Variants in ANO3 observed in about 807,000 individuals in gnomAD.
ANO3 encodes the protein anoctamin 3.
In ANO3, 99 loss-of-function variants were observed where a neutral mutation model predicts 144.8. That is an observed-to-expected ratio of 0.68 (90% CI 0.58 to 0.81). The LOEUF is 0.81. Ranked by LOEUF, ANO3 falls within the 30% of genes least tolerant of loss-of-function variation. The pLI is 0.00. For missense variants in ANO3, 905 were observed against 1,202.2 expected (o/e 0.75, Z 3.66); for synonymous variants, 414 against 392.6 (o/e 1.05, Z -0.64).
chr11:26,417,865 G>A (rs1857637035), intron 1 of ANO3, among the ~76,000 whole-genome samples: 1 of 151,906 alleles, frequency 6.6e-6, no homozygotes, highest in Non-Finnish European at 1.5e-5. Flanking sequence ...AAAGTTAATA[G>A]GGACAACATT....
chr11:26,614,615 C>T (rs910715200), intron 17 of ANO3, among the ~76,000 whole-genome samples: 2 of 152,250 alleles, frequency 1.3e-5, no homozygotes, highest in Admixed American at 1.3e-4. Flanking sequence ...CAGCTACTCT[C>T]CAGACTGGAT....
At chr11:26,204,068 G>A (rs541577928) in intron 1 of ANO3, among the ~76,000 whole-genome samples, 1 of 152,188 alleles carries the variant, frequency 6.6e-6, no homozygotes, top group South Asian at 2.1e-4. Context: ...GTGCCCAAAT[G>A]CCATCTTTTT....
At chr11:26,288,041 A>G (rs1457995627) in intron 1 of ANO3, 1 of 152,360 alleles carries the variant, frequency 6.6e-6, no homozygotes, top group Non-Finnish European at 1.5e-5. Context: ...CGTTGTTCAC[A>G]CTGTAGAGGG....
chr11:26,329,867 C>T (rs1022782636), upstream of ANO3, among the ~76,000 whole-genome samples: 3 of 147,318 alleles, frequency 2.0e-5, no homozygotes, highest in African/African-American at 7.6e-5. Flanking sequence ...GGCTGGAGTG[C>T]GGTGGTGCGA....
chr11:26,337,128 C>T (rs186693177), intron 1 of ANO3, among the ~76,000 whole-genome samples: 1 of 152,066 alleles, frequency 6.6e-6, no homozygotes, highest in Admixed American at 6.5e-5. Flanking sequence ...GTGAGCCAAA[C>T]TATAAAAAGA....
At position 26,346,258 on chromosome 11, in the gene ANO3, C is replaced by A. The variant is rs1402239647; in HGVS notation, c.46+13937C>A. On this transcript the variant is annotated intron_variant, in intron 1 of 26. Transcript: ENST00000256737. Reference sequence around the variant, plus strand: ...TTAAGCTTGTTTCTGCCTTAAGTCACCCTGAAAAAAAGTGGTTTAAGAAAA... The same window carrying A: ...TTAAGCTTGTTTCTGCCTTAAGTCAACCTGAAAAAAAGTGGTTTAAGAAAA... Among the ~76,000 whole-genome samples the A allele has an allele frequency of 3.3e-5, 5 of 151,944 alleles. No homozygotes were observed. The East Asian group carries it at 9.6e-4, about 29-fold the overall frequency.
chr11:26,344,762 A>C (rs994999617), intron 1 of ANO3, among the ~76,000 whole-genome samples: 1 of 152,162 alleles, frequency 6.6e-6, no homozygotes, highest in African/African-American at 2.4e-5. Context: ...CAGTACTCCA[A>C]GATAACTGAG....
chr11:26,434,620 G>A (rs1466869883), intron 1 of ANO3, among the ~76,000 whole-genome samples: 1 of 152,148 alleles, frequency 6.6e-6, no homozygotes, highest in Admixed American at 6.6e-5. Context: ...ATTCTGACAT[G>A]TTGTATCTTT....
At chr11:26,441,671 G>A (rs1858526799) in intron 1 of ANO3, among the ~76,000 whole-genome samples, 1 of 152,000 alleles carries the variant, frequency 6.6e-6, no homozygotes. Context: ...TTTTTTCACA[G>A]AACTTTTAAA....
chr11:26,637,919 C>T (rs1853015544), intron 20 of ANO3, among the ~76,000 whole-genome samples: 1 of 152,182 alleles, frequency 6.6e-6, no homozygotes, highest in African/African-American at 2.4e-5. Flanking sequence ...CCTTCCCACC[C>T]AAATATCTTG....
chr11:26,436,888 G>A (rs1858315953), intron 1 of ANO3, among the ~76,000 whole-genome samples: 2 of 152,102 alleles, frequency 1.3e-5, no homozygotes. Flanking sequence ...TTCGTCCGGT[G>A]GTGGAAAAAG....
intron 1 of ANO3, among the ~76,000 whole-genome samples, chr11:26,263,467 G>T (rs893913631): frequency 2.6e-5 from 4 of 152,112 alleles, no homozygotes; most frequent in Non-Finnish European, 4.4e-5. Context: ...TCTTCCTGTT[G>T]TCACTCCATT....
At chr11:26,596,942 C>T (rs1851647668) in intron 14 of ANO3, among the ~76,000 whole-genome samples, 2 of 152,206 alleles carry the variant, frequency 1.3e-5, no homozygotes, top group Admixed American at 6.5e-5. Context: ...CAGAACAAAG[C>T]TCCCAACACA....
rs537160969 is a variant in ANO3 at position 26,441,879 on chromosome 11, G to T, written c.47-39G>T. The T allele has an allele frequency of 1.7e-5, 26 of 1,526,736 alleles. No individual in the cohort carries two copies. The South Asian group carries it at 2.7e-4, about 16-fold the overall frequency. 94.6% of individuals were successfully genotyped at this position (1,526,736 alleles called of 1,614,324 possible). A position where few individuals can be genotyped will look rare whatever the true frequency, so the allele number is the denominator to read the frequency against. ...AACTTTTTATTGACCTCTACTGATT[G>T]ATTTTTTATTGCTAAAACTCAACAT... On this transcript the variant is annotated intron_variant, in intron 1 of 26. Coordinates refer to ENST00000256737, the MANE Select transcript of ANO3 (RefSeq NM_031418.4).
chr11:26,465,560 A>T (rs73445801), intron 4 of ANO3, among the ~76,000 whole-genome samples: 4 of 151,790 alleles, frequency 2.6e-5, no homozygotes, highest in African/African-American at 9.7e-5. Flanking sequence ...AGTGAGTAAT[A>T]ACAAGTATTA....
intron 1 of ANO3, among the ~76,000 whole-genome samples, chr11:26,311,227 C>G (rs541971203): frequency 6.6e-6 from 1 of 152,244 alleles, no homozygotes; most frequent in South Asian, 2.1e-4. Context: ...TTGACTAAGT[C>G]TATTGTGTGG....
rs144906007 is a variant in ANO3, at chr11:26,634,286, C to A, written c.1956C>A (p.Ser652=). The change falls in exon 19 of 27, where the codon TCC becomes TCA. Residue 652 remains serine (S), a synonymous_variant. Coordinates refer to ENST00000256737, the MANE Select transcript of ANO3 (RefSeq NM_031418.4). ...TCCAGTTTGTCAATTTAAACAGTTC[C>A]ATCTTCTATATCGCTTTCTTTTTGG... The part of the protein sequence containing the change: ...FLFQFVNLNS[S]IFYIAFFLGR... 1.6e-5 allele frequency: 26 copies of A among 1,613,090 alleles called. No individual in the cohort carries two copies. Among genetic ancestry groups the A allele is most frequent in the Non-Finnish European group, 1.7e-6 (2 of 1,179,340 alleles).
At chr11:26,610,735 GT>G (rs1428062347) in intron 17 of ANO3, among the ~76,000 whole-genome samples, 1 of 150,950 alleles carries the variant, frequency 6.6e-6, no homozygotes, top group African/African-American at 2.4e-5. Flanking sequence ...TTTGTTTTTT[GT>G]TTTTGCACAT....
intron 3 of ANO3, among the ~76,000 whole-genome samples, chr11:26,458,001 G>C (rs192056880): frequency 7.4e-4 from 113 of 152,156 alleles, no homozygotes; most frequent in Middle Eastern, 3.4e-3. Flanking sequence ...GGGAAAAATA[G>C]GTTACTGCCA....
Sources: allele counts gnomAD v4.1 joint callset (sites outside exome capture counted in the v4.1 genomes callset), GRCh38; gene constraint gnomAD v4.1.1; transcripts MANE v1.5; gene names NCBI Gene and HGNC (gene_info 2026-07-23, HGNC 2026-07-21).